Variants in THAP1 observed in about 807,000 individuals in gnomAD.
THAP1 encodes the protein THAP domain containing 1.
A neutral mutation model predicts 18.2 loss-of-function variants in THAP1; 6 were observed. The ratio of observed to expected loss-of-function variants is 0.33; its 90% confidence interval spans 0.18 to 0.65. The LOEUF is 0.65. Ranked by LOEUF, THAP1 falls within the 30% of genes least tolerant of loss-of-function variation. THAP1 has a pLI of 0.74. For missense variants in THAP1, 176 were observed against 253.0 expected (o/e 0.70, Z 2.06); for synonymous variants, 85 against 90.5 (o/e 0.94, Z 0.34).
At chr8:42,839,136 C>T in intron 2 of THAP1, 50 bp downstream of exon 2, 2 of 1,589,768 alleles carry the variant, frequency 1.3e-6, no homozygotes, top group Non-Finnish European at 1.7e-6. Context: ...TCAATGAACA[C>T]ATCAGTTTGA....
Position 42,839,217 on chromosome 8 carries a change from G to A in THAP1, c.236C>T (p.Thr79Ile). 1 of 1,614,056 alleles carries A rather than the reference G, an allele frequency of 6.2e-7. No homozygotes were observed. Among genetic ancestry groups the A allele is most frequent in the Non-Finnish European group, 8.5e-7 (1 of 1,179,990 alleles). Reference sequence around the variant, plus strand: ...ATGTGGCTCAGTACAAAGAAATATTGTGGGCACAGCATTCTCTTTCAGTAA... The same window carrying A: ...ATGTGGCTCAGTACAAAGAAATATTATGGGCACAGCATTCTCTTTCAGTAA... ...NKLLKENAVP[T>I]IFLCTEPHDK... The change falls in exon 2 of 3, where the codon ACA (threonine) becomes ATA (isoleucine). Residue 79 changes from threonine (T) to isoleucine (I), a missense_variant. Coordinates refer to ENST00000254250, the MANE Select transcript of THAP1 (RefSeq NM_018105.3).
chr8:42,841,294 C>CTTTTTTTTTTTTTTTTTTTTTTT (rs775435611), intron 1 of THAP1, among the ~76,000 whole-genome samples: 2 of 95,936 alleles, frequency 2.1e-5, no homozygotes, highest in East Asian at 3.6e-4. Context: ...ACAGTTGTAT[C>CTTTTTTTTTTTTTTTTTTTTTTT]TTTTTTTTTT....
rs1415261171 is a variant in THAP1, at chr8:42,838,062, T to A, written c.542A>T (p.Lys181Met). Residue 181 changes from lysine (K) to methionine (M), a missense_variant, in exon 3 of 3, where the codon AAG (lysine) becomes ATG (methionine). Coordinates refer to ENST00000254250, the MANE Select transcript of THAP1 (RefSeq NM_018105.3). ...CTCTTTCTGGAAGTGAACAACCTCCTTTAATTTTTCAAGCTGCCGTTCTTG... is the reference window on the plus strand; with the variant it reads ...CTCTTTCTGGAAGTGAACAACCTCCATTAATTTTTCAAGCTGCCGTTCTTG... ...RRQERQLEKL[K>M]EVVHFQKEKD... 6.2e-7 allele frequency: 1 copy of A among 1,614,140 alleles called. No homozygotes were observed. The highest frequency in any genetic ancestry group is 8.5e-7 in the Non-Finnish European group (1 of 1,180,020).
In THAP1 at chr8:42,837,127, T is replaced by C. The variant is rs1480200060; in HGVS notation, c.*835A>G. ...TGTCAGAGACTTGAAGGCAGATACA[T>C]AACTACAGCTGGGGAACTGGATGTC... On this transcript the variant is annotated 3_prime_UTR_variant, in exon 3 of 3. Transcript: ENST00000254250. 2 of 152,348 alleles carry C rather than the reference T, an allele frequency of 1.3e-5. No homozygotes were observed. Among genetic ancestry groups the C allele is most frequent in the East Asian group, 3.9e-4 (2 of 5,188 alleles). 9.4% of individuals were successfully genotyped at this position (152,348 alleles called of 1,614,324 possible).
At chr8:42,841,711 G>C (rs772984273) in intron 1 of THAP1, among the ~76,000 whole-genome samples, 7 of 151,804 alleles carry the variant, frequency 4.6e-5, no homozygotes, top group Non-Finnish European at 1.0e-4. Context: ...GGGGAGCTGG[G>C]CATGTAATCC....
chr8:42,843,142 G>A lies in THAP1; in HGVS notation c.-48C>T, dbSNP rs377034494. The A allele has an allele frequency of 2.4e-4, 391 of 1,609,764 alleles. No homozygotes were observed. The highest frequency in any genetic ancestry group is 3.1e-4 in the Non-Finnish European group (360 of 1,176,522). On this transcript the variant is annotated 5_prime_UTR_variant, in exon 1 of 3. Transcript: ENST00000254250. ...ACTTCTGCCGCCGCAGAAGGCAGGG[G>A]AAGCTGTTCTCAGTGTCGCTGCGCT... is the stretch of plus-strand genomic sequence containing the variant.
chr8:42,842,902 G>C, intron 1 of THAP1, 122 bp downstream of exon 1: 1 of 761,690 alleles, frequency 1.3e-6, no homozygotes, highest in Non-Finnish European at 1.7e-6. Context: ...CGCCCGACAC[G>C]GCCGGCCCCA....
chr8:42,839,235 T>C lies in THAP1; in HGVS notation c.218A>G (p.Lys73Arg). 6.2e-7 allele frequency: 1 copy of C among 1,614,130 alleles called. No homozygotes were observed. Among genetic ancestry groups the C allele is most frequent in the Non-Finnish European group, 8.5e-7 (1 of 1,180,008 alleles). ...FKRECNNKLL[K>R]ENAVPTIFLC... is the part of the protein sequence containing the mutation. ...AAATATTGTGGGCACAGCATTCTCT[T>C]TCAGTAACTTGTTGTTGCACTCTCT... Residue 73 changes from lysine to arginine, a missense_variant, in exon 2 of 3, where the codon AAA becomes AGA. Lys to Arg is a conservative substitution (Grantham distance 26). Transcript: ENST00000254250.
intron 1 of THAP1, among the ~76,000 whole-genome samples, chr8:42,841,893 C>G (rs1027876664): frequency 6.6e-6 from 1 of 152,140 alleles, no homozygotes. Flanking sequence ...TCTACACACT[C>G]TTATTTCTAT....
intron 1 of THAP1, among the ~76,000 whole-genome samples, chr8:42,840,646 G>A (rs899221971): frequency 2.6e-5 from 4 of 152,296 alleles, no homozygotes; most frequent in Admixed American, 2.0e-4. Context: ...ACTATGTAGA[G>A]GGTGGGAGAA....
intron 1 of THAP1, among the ~76,000 whole-genome samples, chr8:42,840,965 CAAAAAAAAAAA>C (rs1029278824): frequency 2.1e-5 from 1 of 47,060 alleles, no homozygotes; most frequent in Non-Finnish European, 4.4e-5. Flanking sequence ...GACTCCATCT[CAAAAAAAAAAA>C]AAAAAAAAAA....
intron 1 of THAP1, among the ~76,000 whole-genome samples, chr8:42,841,796 ATAT>A (rs1050870949): frequency 4.6e-5 from 7 of 152,172 alleles, no homozygotes; most frequent in Non-Finnish European, 8.8e-5. Context: ...TCAAGAGATA[ATAT>A]TAGGATATCC....
chr8:42,842,168 A>G (rs147847344), intron 1 of THAP1, among the ~76,000 whole-genome samples: 1 of 152,354 alleles, frequency 6.6e-6, no homozygotes, highest in East Asian at 1.9e-4. Context: ...CATAAATGTA[A>G]TTAAAATTTG....
intron 1 of THAP1, among the ~76,000 whole-genome samples, chr8:42,840,877 G>C (rs1802704008): frequency 6.9e-6 from 1 of 145,204 alleles, no homozygotes; most frequent in South Asian, 2.2e-4. Flanking sequence ...TGAGGCAGGA[G>C]AATCACTTGA....
chr8:42,842,965 C>T (rs1802753636), intron 1 of THAP1, 59 bp downstream of exon 1: 8 of 1,398,556 alleles, frequency 5.7e-6, no homozygotes, highest in Non-Finnish European at 7.5e-6. Context: ...CCCGGCCCCG[C>T]CGGCCGCGCG....
At position 42,838,115 on chromosome 8, in the gene THAP1, G is replaced by C. The variant is rs150542583; in HGVS notation, c.489C>G (p.Leu163=). The change falls in exon 3 of 3, where the codon CTC becomes CTG. Residue 163 remains leucine (L), a synonymous_variant. Coordinates refer to ENST00000254250, the MANE Select transcript of THAP1 (RefSeq NM_018105.3). ...TTCTGCATCGCTGCTGTGCGGTCTTGAGCTTCTTTCTGAGTTTTTCAACTT... is the reference window on the plus strand; with the variant it reads ...TTCTGCATCGCTGCTGTGCGGTCTTCAGCTTCTTTCTGAGTTTTTCAACTT... ...EQQVEKLRKK[L]KTAQQRCRRQ... 151 of 1,614,216 alleles carry C rather than the reference G, an allele frequency of 9.4e-5. 1 individual carries two copies. In the East Asian group the frequency reaches 2.3e-3, roughly 24 times the overall value.
In THAP1 at chr8:42,838,272, T is replaced by C; in HGVS notation, c.332A>G (p.Gln111Arg). The C allele has an allele frequency of 1.2e-6, 2 of 1,614,070 alleles. No individual in the cohort carries two copies. The highest frequency in any genetic ancestry group is 1.7e-6 in the Non-Finnish European group (2 of 1,179,950). ...PPPPLPPPVS[Q>R]VDAAIGLLMP... ...TAGTAATCCAATAGCAGCATCAACC[T>C]GGGAAACAGGAGGCGGTAAAGGAGG... Residue 111 changes from glutamine to arginine, a missense_variant, in exon 3 of 3, where the codon CAG becomes CGG. Gln to Arg is a conservative substitution (Grantham distance 43). Coordinates refer to ENST00000254250, the MANE Select transcript of THAP1 (RefSeq NM_018105.3).
chr8:42,839,749 G>A (rs1438769105), intron 1 of THAP1, among the ~76,000 whole-genome samples: 1 of 152,166 alleles, frequency 6.6e-6, no homozygotes, highest in East Asian at 1.9e-4. Context: ...CTTTCACCAT[G>A]TTGGCCAGGA....
At chr8:42,841,037 C>A (rs1359880016) in intron 1 of THAP1, among the ~76,000 whole-genome samples, 8 of 149,704 alleles carry the variant, frequency 5.3e-5, no homozygotes, top group Non-Finnish European at 8.9e-5. Flanking sequence ...ACTAGGGTAG[C>A]ATTTGCTGGT....
Sources: allele counts gnomAD v4.1 joint callset (sites outside exome capture counted in the v4.1 genomes callset), GRCh38; gene constraint gnomAD v4.1.1; transcripts MANE v1.5; gene names NCBI Gene and HGNC (gene_info 2026-07-23, HGNC 2026-07-21).